The following PARD3 variants were observed in gnomAD, a reference collection of about 807,000 sequenced individuals.
PARD3 encodes the protein partitioning defective 3 homolog.
In PARD3, 75 loss-of-function variants were observed where a neutral mutation model predicts 155.4. The observed-to-expected ratio is 0.48, with a 90% CI of 0.40 to 0.58. The LOEUF is 0.58. Among genes scored for constraint, PARD3 ranks in the 20% least tolerant of loss-of-function variants. The pLI, the probability that PARD3 is intolerant of heterozygous loss-of-function variation, is 0.00. For synonymous variants in PARD3, 576 were observed against 610.5 expected (o/e 0.94, Z 0.83); for missense variants, 1,642 against 1,721.7 (o/e 0.95, Z 0.82).
At chr10:34,176,809 A>G (rs1950050617) in intron 22 of PARD3, among the ~76,000 whole-genome samples, 1 of 152,236 alleles carries the variant, frequency 6.6e-6, no homozygotes, top group Non-Finnish European at 1.5e-5. Flanking sequence ...AAGTCAGCCA[A>G]TGGTAAAACT....
In PARD3 at chr10:34,773,789, A is replaced by G. The variant is rs1341263231; in HGVS notation, c.120+41087T>C. ...TGGGTCCTTTGGGCAAACATCCACT[A>G]GGCACTTAATGTTCTTCTCATAAAC... On this transcript the variant is annotated intron_variant, in intron 1 of 24. Coordinates refer to ENST00000374788, the MANE Select transcript of PARD3 (RefSeq NM_001184785.2). Among the ~76,000 whole-genome samples the G allele has an allele frequency of 2.0e-5, 3 of 152,172 alleles. No individual in the cohort carries two copies. In the East Asian group the frequency reaches 5.8e-4, roughly 29 times the overall value.
chr10:34,154,267 C>T (rs1326720473), intron 22 of PARD3, among the ~76,000 whole-genome samples: 1 of 152,048 alleles, frequency 6.6e-6, no homozygotes, highest in Non-Finnish European at 1.5e-5. Flanking sequence ...TGTGAGGCTT[C>T]CATGAAAAAA....
intron 23 of PARD3, among the ~76,000 whole-genome samples, chr10:34,128,825 G>A (rs190237077): frequency 1.3e-5 from 2 of 152,264 alleles, no homozygotes. Flanking sequence ...CTAGACTTTA[G>A]AACAGTGATT....
At chr10:34,214,887 A>C (rs1951927592) in intron 22 of PARD3, among the ~76,000 whole-genome samples, 1 of 152,200 alleles carries the variant, frequency 6.6e-6, no homozygotes, top group Non-Finnish European at 1.5e-5. Flanking sequence ...CCCTTGAAAA[A>C]AAATCTAAAA....
intron 2 of PARD3, among the ~76,000 whole-genome samples, chr10:34,692,960 A>G (rs1477702648): frequency 6.6e-6 from 1 of 152,224 alleles, no homozygotes; most frequent in Non-Finnish European, 1.5e-5. Flanking sequence ...AATGTTCAAC[A>G]TTACTATCAT....
At chr10:34,429,995 G>A (rs1036323646) in intron 5 of PARD3, among the ~76,000 whole-genome samples, 46 of 152,150 alleles carry the variant, frequency 3.0e-4, no homozygotes, top group Non-Finnish European at 1.2e-4. Flanking sequence ...CTCCCAAAGT[G>A]CTAAGATTAT....
At chr10:34,457,628 TCTCA>T (rs1342312452) in intron 4 of PARD3, among the ~76,000 whole-genome samples, 1 of 151,992 alleles carries the variant, frequency 6.6e-6, no homozygotes, top group African/African-American at 2.4e-5. Context: ...TGAGACAGGG[TCTCA>T]CTCTGTCATC....
intron 22 of PARD3, among the ~76,000 whole-genome samples, chr10:34,235,857 T>C (rs185829135): frequency 6.6e-6 from 1 of 152,354 alleles, no homozygotes; most frequent in East Asian, 1.9e-4. Context: ...TCCAGTTCAA[T>C]GCATTTTCCA....
intron 2 of PARD3, among the ~76,000 whole-genome samples, chr10:34,656,464 A>G (rs983451046): frequency 3.3e-5 from 5 of 152,254 alleles, no homozygotes; most frequent in Non-Finnish European, 4.4e-5. Flanking sequence ...CGTGCATTTC[A>G]TATCGAGGGT....
intron 22 of PARD3, among the ~76,000 whole-genome samples, chr10:34,264,988 C>G (rs1162701833): frequency 1.3e-5 from 2 of 152,150 alleles, no homozygotes; most frequent in Admixed American, 1.3e-4. Flanking sequence ...GGGCTTCAAG[C>G]AATCCTCTTG....
Position 34,658,003 on chromosome 10 carries a change from G to A in PARD3, c.222+38315C>T, listed in dbSNP as rs570841041. ...CTACTGAAAATACAAAAAATTAGCC[G>A]GGCGTGGTTGCAGGCACCTGTAGTC... On this transcript the variant is annotated intron_variant, in intron 2 of 24. Transcript: ENST00000374788. 3.9e-5 allele frequency among the ~76,000 whole-genome samples: 6 copies of A among 152,064 alleles called. No individual in the cohort carries two copies. In the East Asian group the frequency reaches 5.9e-4, roughly 15 times the overall value.
intron 11 of PARD3, among the ~76,000 whole-genome samples, chr10:34,374,233 T>C (rs1054594217): frequency 2.0e-5 from 3 of 152,152 alleles, no homozygotes; most frequent in Admixed American, 6.6e-5. Flanking sequence ...ACCAATACCA[T>C]GTAAATACTC....
chr10:34,705,508 A>G (rs2094350254), intron 1 of PARD3, among the ~76,000 whole-genome samples: 1 of 151,648 alleles, frequency 6.6e-6, no homozygotes, highest in Non-Finnish European at 1.5e-5. Flanking sequence ...AAAAAAGCCA[A>G]TCTTTTCCAA....
chr10:34,795,424 A>G (rs1842142351), intron 1 of PARD3, among the ~76,000 whole-genome samples: 1 of 152,222 alleles, frequency 6.6e-6, no homozygotes, highest in Non-Finnish European at 1.5e-5. Flanking sequence ...CAGCCTGGGC[A>G]ACATAGTATG....
intron 2 of PARD3, among the ~76,000 whole-genome samples, chr10:34,606,965 T>TAAAAAAA (rs531578595): frequency 3.5e-5 from 4 of 114,834 alleles, no homozygotes; most frequent in Admixed American, 1.0e-4. Context: ...GACTCTGTCT[T>TAAAAAAA]AAAAAAAAAA....
intron 22 of PARD3, among the ~76,000 whole-genome samples, chr10:34,210,028 A>G (rs1216825308): frequency 6.6e-6 from 1 of 152,198 alleles, no homozygotes; most frequent in African/African-American, 2.4e-5. Context: ...AAAATTAGCC[A>G]TACATTGCAA....
intron 22 of PARD3, among the ~76,000 whole-genome samples, chr10:34,250,883 C>G (rs1954267763): frequency 3.3e-5 from 5 of 152,106 alleles, no homozygotes; most frequent in Admixed American, 2.6e-4. Flanking sequence ...TCCACACTTC[C>G]AGGAGGAAAG....
chr10:34,537,530 C>T (rs982081228), intron 2 of PARD3, among the ~76,000 whole-genome samples: 1 of 152,124 alleles, frequency 6.6e-6, no homozygotes, highest in Non-Finnish European at 1.5e-5. Context: ...CAACCCAGAC[C>T]TTGACTACAC....
At chr10:34,130,258 G>A (rs192445332) in intron 23 of PARD3, among the ~76,000 whole-genome samples, 189 of 152,194 alleles carry the variant, frequency 1.2e-3, no homozygotes, top group African/African-American at 4.2e-3. Flanking sequence ...GCTAGGCTGT[G>A]AGGCTAATCC....
Sources: gnomAD v4.1 joint callset for allele counts (sites outside exome capture counted in the v4.1 genomes callset) on GRCh38, gnomAD v4.1.1 for gene constraint, MANE v1.5 for transcripts, NCBI Gene and HGNC (gene_info 2026-07-23, HGNC 2026-07-21) for gene names.